The following ORC1 variants were observed in gnomAD, a reference collection of about 807,000 sequenced individuals.
ORC1 encodes origin recognition complex subunit 1.
Under a neutral mutation model 98.9 loss-of-function variants are expected in ORC1, and 61 were observed. That is an observed-to-expected ratio of 0.62 (90% CI 0.50 to 0.76). The LOEUF (loss-of-function observed/expected upper bound fraction) is 0.76. Ranked by LOEUF, ORC1 falls within the 30% of genes least tolerant of loss-of-function variation. ORC1 has a pLI of 0.00. For synonymous variants in ORC1, 385 were observed against 406.9 expected (o/e 0.95, Z 0.65); for missense variants, 979 against 1,072.2 (o/e 0.91, Z 1.21).
At chr1:52,389,353 C>G in intron 6 of ORC1, 32 bp from the exon 7 acceptor site, 1 of 1,543,336 alleles carries the variant, frequency 6.5e-7, no homozygotes, top group Admixed American at 1.7e-5. Context: ...TCACGGGAAG[C>G]AGTTTTGGAT....
intron 14 of ORC1, among the ~76,000 whole-genome samples, chr1:52,380,168 C>T (rs1302883743): frequency 6.6e-6 from 1 of 152,140 alleles, no homozygotes; most frequent in African/African-American, 2.4e-5. Flanking sequence ...TCTGACTATT[C>T]CCATGGGAAA....
intron 3 of ORC1, 127 bp downstream of exon 3, chr1:52,401,235 G>GTTC: frequency 8.2e-7 from 1 of 1,213,224 alleles, no homozygotes; most frequent in Non-Finnish European, 1.2e-6. Flanking sequence ...GACGCAGCTA[G>GTTC]TTCTTACGTG....
intron 6 of ORC1, among the ~76,000 whole-genome samples, chr1:52,392,959 C>T (rs1002109509): frequency 2.0e-5 from 3 of 152,188 alleles, no homozygotes; most frequent in Admixed American, 1.3e-4. Context: ...ACAATGTACA[C>T]TGGTCAGGTG....
rs145602948 is a variant in ORC1, at chr1:52,393,687, G to C, written c.838C>G (p.Pro280Ala). ...EITSPSKRSQ[P>A]DKLQTLSPAL... The stretch of plus-strand genomic sequence containing the variant: ...GGAGACAAGGTTTGAAGTTTATCAG[G>C]CTGAGATCTCTTAGAAGGTGAGGTG... Residue 280 changes from proline (P) to alanine (A), a missense_variant, in exon 6 of 17, where the codon CCT (proline) becomes GCT (alanine). Physicochemically the swap from Pro to Ala is conservative, Grantham distance 27. Transcript: ENST00000371568. 6.2e-7 allele frequency: 1 copy of C among 1,614,030 alleles called. No individual in the cohort carries two copies. Among genetic ancestry groups the C allele is most frequent in the Non-Finnish European group, 8.5e-7 (1 of 1,179,986 alleles).
chr1:52,389,208 T>C lies in ORC1; in HGVS notation c.1187+9A>G. 2 of 1,595,978 alleles carry C rather than the reference T, an allele frequency of 1.3e-6. No individual in the cohort carries two copies. The highest frequency in any genetic ancestry group is 1.3e-5 in the African/African-American group (1 of 74,554). ...CAATGTTTCTCTGCCTGCCAAGGAG[T>C]AGTCTTACCGAAGCTGCTGCCTAAT... On this transcript the variant is annotated intron_variant, in intron 7 of 16. Transcript: ENST00000371568.
At chr1:52,405,570 T>C, upstream of ORC1, 2 of 951,796 alleles carry the variant, frequency 2.1e-6, no homozygotes, top group South Asian at 3.1e-5. Flanking sequence ...TTCGTTCTCC[T>C]AATATTACAC....
rs1569896362 is a variant in ORC1 at position 52,373,283 on chromosome 1, G to A, written c.2484C>T (p.Ser828=). ...ETMAVCSHLG[S]CRLLLVEPSR... is the part of the protein sequence containing the mutation. Reference sequence around the variant, plus strand: ...TGGGCTCCACAAGCAGGAGGCGACAGGAGCCCAGGTGAGAACACACGGCCA... The same window carrying A: ...TGGGCTCCACAAGCAGGAGGCGACAAGAGCCCAGGTGAGAACACACGGCCA... The change falls in exon 17 of 17, where the codon TCC becomes TCT. Residue 828 remains serine (S), a synonymous_variant. Transcript: ENST00000371568. 1 of 1,614,206 alleles carries A rather than the reference G, an allele frequency of 6.2e-7. No individual in the cohort carries two copies. Among genetic ancestry groups the A allele is most frequent in the Non-Finnish European group, 8.5e-7 (1 of 1,180,040 alleles).
chr1:52,373,436 CCTTT>C (rs1399990550), intron 16 of ORC1, 61 bp from the exon 17 acceptor site: 4 of 1,439,688 alleles, frequency 2.8e-6, no homozygotes, highest in Non-Finnish European at 3.9e-6. Flanking sequence ...TTTTTCTGTT[CCTTT>C]CTTTCTTCAT....
Position 52,372,911 on chromosome 1 carries a change from C to A in ORC1, c.*270G>T. The A allele has an allele frequency of 2.2e-6, 1 of 445,132 alleles. No individual in the cohort carries two copies. Among genetic ancestry groups the A allele is most frequent in the Non-Finnish European group, 4.2e-6 (1 of 239,170 alleles). 27.6% of individuals were successfully genotyped at this position (445,132 alleles called of 1,614,324 possible). A position where few individuals can be genotyped will look rare whatever the true frequency, so the allele number is the denominator to read the frequency against. On this transcript the variant is annotated 3_prime_UTR_variant, in exon 17 of 17. Transcript: ENST00000371568. Reference sequence around the variant, plus strand: ...TTCAATATACTTTGTTACAACAATTCCATGTACTTCCAAAATCAGATGCTT... The same window carrying A: ...TTCAATATACTTTGTTACAACAATTACATGTACTTCCAAAATCAGATGCTT...
rs756781474 is a variant in ORC1 at position 52,384,715 on chromosome 1, C to A, written c.1590G>T (p.Met530Ile). ...SKLLDHTGGC[M>I]YISGVPGTGK... ...CTGTCCCAGGGACACCGGAGATGTACATGCACCTAGAGCAAGAGAGGAAAA... is the reference window on the plus strand; with the variant it reads ...CTGTCCCAGGGACACCGGAGATGTAAATGCACCTAGAGCAAGAGAGGAAAA... The change falls in exon 11 of 17, where the codon ATG (methionine) becomes ATT (isoleucine). Residue 530 changes from methionine (M) to isoleucine (I), a missense_variant. Met to Ile is a conservative substitution (Grantham distance 10, BLOSUM62 1). Transcript: ENST00000371568. 7 of 1,613,374 alleles carry A rather than the reference C, an allele frequency of 4.3e-6. No individual in the cohort carries two copies. In the South Asian group the frequency reaches 6.6e-5, roughly 15 times the overall value.
intron 6 of ORC1, among the ~76,000 whole-genome samples, chr1:52,390,763 G>GT (rs1459874316): frequency 1.3e-5 from 2 of 151,980 alleles, no homozygotes; most frequent in African/African-American, 4.8e-5. Flanking sequence ...ATGGTGGCAG[G>GT]TGCCTGTAAT....
intron 3 of ORC1, among the ~76,000 whole-genome samples, chr1:52,399,941 G>A (rs961977366): frequency 6.6e-6 from 1 of 152,020 alleles, no homozygotes; most frequent in Non-Finnish European, 1.5e-5. Context: ...ACCAGCAATA[G>A]CTCCAACCGA....
upstream of ORC1, chr1:52,408,335 A>G: frequency 1.5e-6 from 1 of 651,654 alleles, no homozygotes; most frequent in East Asian, 3.1e-5. Context: ...ATATATTTGA[A>G]AGTTGATCAA....
chr1:52,382,544 A>G (rs1647085036), intron 13 of ORC1, among the ~76,000 whole-genome samples: 1 of 147,500 alleles, frequency 6.8e-6, no homozygotes, highest in South Asian at 2.2e-4. Flanking sequence ...AGCACCTAAC[A>G]CTGCCTGGCA....
At chr1:52,403,626 C>T (rs899680487) in intron 1 of ORC1, among the ~76,000 whole-genome samples, 5 of 152,114 alleles carry the variant, frequency 3.3e-5, no homozygotes, top group African/African-American at 4.8e-5. Context: ...GATAAGAATG[C>T]CTTTTCCAAC....
intron 14 of ORC1, among the ~76,000 whole-genome samples, chr1:52,378,860 C>T (rs182192315): frequency 8.2e-4 from 124 of 151,718 alleles, no homozygotes; most frequent in African/African-American, 2.6e-3. Context: ...AGTGAAACCC[C>T]GTATCTACTG....
At chr1:52,383,370 C>T (rs748395873) in intron 13 of ORC1, 50 bp downstream of exon 13, 1 of 1,609,198 alleles carries the variant, frequency 6.2e-7, no homozygotes, top group African/African-American at 1.3e-5. Context: ...AACTTCTTGG[C>T]CAAGCTTACA....
chr1:52,389,243 A>C lies in ORC1; in HGVS notation c.1161T>G (p.Thr387=), dbSNP rs554803101. Residue 387 remains threonine (T), a synonymous_variant, in exon 7 of 17, where the codon ACT becomes ACG. Coordinates refer to ENST00000371568, the MANE Select transcript of ORC1 (RefSeq NM_004153.4). The part of the protein sequence containing the change: ...HRIRRKSSVL[T]MNRIRQQLRF... ...GAAGCTGCTGCCTAATCCGATTCAT[A>C]GTCAAGACAGAACTCTTTCTGCGGA... 1.2e-4 allele frequency: 188 copies of C among 1,614,024 alleles called. 1 individual carries two copies. The highest frequency in any genetic ancestry group is 1.5e-4 in the Non-Finnish European group (172 of 1,179,968).
chr1:52,408,717 T>A, upstream of ORC1: 1 of 1,609,946 alleles, frequency 6.2e-7, no homozygotes, highest in Non-Finnish European at 8.5e-7. Context: ...GTCTCCTGAT[T>A]GTCATTTTTA....
Sources: allele counts gnomAD v4.1 joint callset (sites outside exome capture counted in the v4.1 genomes callset), GRCh38; gene constraint gnomAD v4.1.1; transcripts MANE v1.5; gene names NCBI Gene and HGNC (gene_info 2026-07-23, HGNC 2026-07-21).